Variants in SDK2 observed in about 807,000 individuals in gnomAD.
The protein encoded by SDK2 is protein sidekick-2.
A neutral mutation model predicts 253.9 loss-of-function variants in SDK2; 105 were observed. That is an observed-to-expected ratio of 0.41 (90% CI 0.35 to 0.49). The LOEUF (loss-of-function observed/expected upper bound fraction) is 0.49, where lower values mean the gene tolerates loss of function less well. Among genes scored for constraint, SDK2 ranks in the 20% least tolerant of loss-of-function variants. The pLI is 0.06. For synonymous variants in SDK2, 1,249 were observed against 1,234.9 expected (o/e 1.01, Z -0.24); for missense variants, 2,608 against 3,003.0 (o/e 0.87, Z 3.07).
rs913813897 is a variant in SDK2 at position 73,541,258 on chromosome 17, G to A, written c.65-33661C>T. ...GGCTGCAGGGGATGGGCTGCAGTGT[G>A]TGGAAAGAGCTGCCTGCCAGGAGCT... On this transcript the variant is annotated intron_variant, in intron 1 of 44. Transcript: ENST00000392650. This position sits in a 1 kb window ranked among gnomAD's most constrained non-coding sequence, Gnocchi z 4.3. Among the ~76,000 whole-genome samples, 2 of 152,226 alleles carry A rather than the reference G, an allele frequency of 1.3e-5. No individual in the cohort carries two copies. The highest frequency in any genetic ancestry group is 4.8e-5 in the African/African-American group (2 of 41,476).
At chr17:73,386,631 C>A (rs2062874976) in intron 30 of SDK2, 83 bp from the exon 31 acceptor site, 4 of 943,530 alleles carry the variant, frequency 4.2e-6, no homozygotes, top group African/African-American at 3.2e-5. Flanking sequence ...TCTCCCTGAT[C>A]TGGCCCTGCT....
At chr17:73,547,854 G>A (rs1019649038) in intron 1 of SDK2, among the ~76,000 whole-genome samples, 4 of 152,184 alleles carry the variant, frequency 2.6e-5, no homozygotes, top group Admixed American at 6.5e-5. Context: ...AATTTACAAA[G>A]AAAAGAGGTT....
At position 73,599,046 on chromosome 17, in the gene SDK2, T is replaced by TC. The variant is rs377541289; in HGVS notation, c.64+44978dup. ...TAAGGAGCGAGTGGAAAATGTAGCA[T>TC]CCCCCTAGAAAGAGTTACCCCTTTT... On this transcript the variant is annotated intron_variant, in intron 1 of 44. Coordinates refer to ENST00000392650, the MANE Select transcript of SDK2 (RefSeq NM_001144952.2). Among the ~76,000 whole-genome samples the TC allele has an allele frequency of 2.4e-3, 367 of 152,236 alleles. 1 individual carries two copies. The highest frequency in any genetic ancestry group is 8.3e-3 in the African/African-American group (346 of 41,540).
chr17:73,537,381 C>T (rs1004996232), intron 1 of SDK2, among the ~76,000 whole-genome samples: 1 of 152,148 alleles, frequency 6.6e-6, no homozygotes, highest in South Asian at 2.1e-4. Context: ...TCACCTCCCC[C>T]TTCTGCCCCG....
chr17:73,472,815 C>T lies in SDK2; in HGVS notation c.225-597G>A, dbSNP rs144929355. On this transcript the variant is annotated intron_variant, in intron 2 of 44. Transcript: ENST00000392650. ...GGAGTGGGTCTTTCCATGATGTTCT[C>T]GTGATAGTGAATAAGTCTCACGTGA... is the stretch of plus-strand genomic sequence containing the variant. Among the ~76,000 whole-genome samples the T allele has an allele frequency of 6.6e-3, 999 of 152,230 alleles. 12 individuals are homozygous for T. Among genetic ancestry groups the T allele is most frequent in the African/African-American group, 0.023 (955 of 41,534 alleles).
At chr17:73,555,627 G>A (rs1236537758) in intron 1 of SDK2, among the ~76,000 whole-genome samples, 1 of 152,194 alleles carries the variant, frequency 6.6e-6, no homozygotes, top group Non-Finnish European at 1.5e-5. Context: ...CTCCCTCTCT[G>A]CCTCAATGTC....
At chr17:73,408,169 A>T (rs2063095894) in intron 18 of SDK2, among the ~76,000 whole-genome samples, 2 of 149,136 alleles carry the variant, frequency 1.3e-5, no homozygotes, top group African/African-American at 5.0e-5. Context: ...CTTCTGCCTC[A>T]GCCTCCCGAG....
rs1286204408 is a variant in SDK2, at chr17:73,401,010, G to A, written c.2971+10C>T. 6.4e-7 allele frequency: 1 copy of A among 1,564,636 alleles called. No individual in the cohort carries two copies. The highest frequency in any genetic ancestry group is 1.2e-5 in the South Asian group (1 of 84,792). The stretch of plus-strand genomic sequence containing the variant: ...ACTCAAAGAGTCCTGCCTTGAGAGT[G>A]GGCACTTACCTGGGGGCACCCCAGA... On this transcript the variant is annotated intron_variant, in intron 21 of 44. Transcript: ENST00000392650.
In SDK2 at chr17:73,383,921, G is replaced by T. The variant is rs1264930292; in HGVS notation, c.4660C>A (p.Leu1554Ile). Reference sequence around the variant, plus strand: ...GCCCCTGGGTTGTTGATGCCTCGAAGCGTGAAGCCCCTCAGTCCTTCATAG... The same window carrying T: ...GCCCCTGGGTTGTTGATGCCTCGAATCGTGAAGCCCCTCAGTCCTTCATAG... ...LLYEGLRGFT[L>I]RGINNPGATW... Residue 1554 changes from leucine to isoleucine, a missense_variant, in exon 33 of 45, where the codon CTT (leucine) becomes ATT (isoleucine). Around this residue, in one of 2 missense-constraint regions of SDK2, gnomAD observed 1,103 missense variants for 1,143.9 expected, o/e 0.96. Coordinates refer to ENST00000392650, the MANE Select transcript of SDK2 (RefSeq NM_001144952.2). This position sits in a 1 kb window ranked among gnomAD's most constrained non-coding sequence, Gnocchi z 4.3. 1.2e-6 allele frequency: 2 copies of T among 1,613,832 alleles called. No homozygotes were observed. Among genetic ancestry groups the T allele is most frequent in the Admixed American group, 3.3e-5 (2 of 59,996 alleles).
At chr17:73,350,495 A>C in intron 42 of SDK2, 120 bp from the exon 43 acceptor site, 1 of 1,441,290 alleles carries the variant, frequency 6.9e-7, no homozygotes, top group Non-Finnish European at 9.3e-7. Flanking sequence ...AAAATAAGAG[A>C]TTGAGATTGT....
intron 18 of SDK2, among the ~76,000 whole-genome samples, chr17:73,410,766 G>A (rs2063118716): frequency 6.6e-6 from 1 of 152,184 alleles, no homozygotes; most frequent in Non-Finnish European, 1.5e-5. Context: ...AAACGTCTGG[G>A]CAATTCACTC....
chr17:73,478,468 C>T (rs2075227505), intron 2 of SDK2, among the ~76,000 whole-genome samples: 1 of 152,198 alleles, frequency 6.6e-6, no homozygotes, highest in Non-Finnish European at 1.5e-5. Context: ...CAAGAATCCA[C>T]ACCCGTTCTC....
At chr17:73,579,974 G>A (rs1296427360) in intron 1 of SDK2, among the ~76,000 whole-genome samples, 9 of 140,796 alleles carry the variant, frequency 6.4e-5, no homozygotes, top group African/African-American at 1.1e-4. Flanking sequence ...GCGAAACCCC[G>A]TCTCAAAAAG....
At chr17:73,432,331 C>T (rs1430372200) in intron 10 of SDK2, among the ~76,000 whole-genome samples, 1 of 152,070 alleles carries the variant, frequency 6.6e-6, no homozygotes, top group Non-Finnish European at 1.5e-5. Context: ...GTCTTTGTGA[C>T]TATGTCTATT....
intron 38 of SDK2, among the ~76,000 whole-genome samples, chr17:73,362,842 C>CG (rs1251918516): frequency 6.6e-6 from 1 of 152,196 alleles, no homozygotes; most frequent in Non-Finnish European, 1.5e-5. Context: ...CCCTGGGAGC[C>CG]GGGGTTAGTG....
intron 1 of SDK2, among the ~76,000 whole-genome samples, chr17:73,582,882 C>T (rs1443297861): frequency 1.3e-5 from 2 of 152,178 alleles, no homozygotes; most frequent in African/African-American, 2.4e-5. Context: ...GTCAGCCTCC[C>T]TGCAACGCCC....
intron 40 of SDK2, among the ~76,000 whole-genome samples, chr17:73,355,374 T>C (rs2062583307): frequency 6.7e-6 from 1 of 150,230 alleles, no homozygotes; most frequent in Admixed American, 6.6e-5. Flanking sequence ...AGAGACAGAG[T>C]CTCACTCTGT....
intron 18 of SDK2, among the ~76,000 whole-genome samples, chr17:73,407,581 G>T (rs115580466): frequency 0.034 from 5,217 of 152,050 alleles, 211 homozygotes; most frequent in East Asian, 0.15. Context: ...AATCAATTTA[G>T]TCTTTATTTT....
At chr17:73,582,416 T>C (rs1381582713) in intron 1 of SDK2, among the ~76,000 whole-genome samples, 2 of 152,186 alleles carry the variant, frequency 1.3e-5, no homozygotes, top group Non-Finnish European at 2.9e-5. Flanking sequence ...GTACACACTG[T>C]GCAGGCACGA....
Sources: allele counts gnomAD v4.1 joint callset (sites outside exome capture counted in the v4.1 genomes callset), GRCh38; gene constraint gnomAD v4.1.1; regional missense constraint gnomAD v4.1.1; non-coding constraint Gnocchi (gnomAD v3.1); transcripts MANE v1.5; gene names NCBI Gene and HGNC (gene_info 2026-07-23, HGNC 2026-07-21).